PUDP: variants seen among roughly 807,000 people sequenced by gnomAD.
PUDP encodes the protein pseudouridine-5'-phosphatase.
A neutral mutation model predicts 9.4 loss-of-function variants in PUDP; 8 were observed. The ratio of observed to expected loss-of-function variants is 0.85; its 90% CI spans 0.50 to 1.53. The LOEUF is 1.53. Among genes scored for constraint, PUDP ranks in the 40% most tolerant of loss-of-function variants. The pLI is 0.00. For missense variants in PUDP, 188 were observed against 189.7 expected (o/e 0.99, Z 0.05); for synonymous variants, 99 against 80.7 (o/e 1.23, Z -1.22).
At chrX:6,792,644 G>T (rs756617357) in intron 3 of PUDP, among the ~76,000 whole-genome samples, 1 of 111,687 alleles carries the variant, frequency 9.0e-6, no homozygotes, top group Non-Finnish European at 1.9e-5. Flanking sequence ...AGATCCCACC[G>T]CCTTTGTCCA....
chrX:7,130,578 C>A (rs1387466399), intron 1 of PUDP, among the ~76,000 whole-genome samples: 2 of 111,311 alleles, frequency 1.8e-5, no homozygotes, highest in Non-Finnish European at 3.8e-5. Flanking sequence ...CTTTAGGAGG[C>A]CGAGGCAGGT....
intron 1 of PUDP, among the ~76,000 whole-genome samples, chrX:6,992,518 C>G (rs781045835): frequency 9.2e-6 from 1 of 108,863 alleles, no homozygotes; most frequent in East Asian, 2.9e-4. Flanking sequence ...ATGATCCACC[C>G]GCCTCGGCCT....
chrX:6,789,482 G>GTT lies in PUDP; in HGVS notation c.*248-83018_*248-83017dup, dbSNP rs765348580. Among the ~76,000 whole-genome samples the GTT allele has an allele frequency of 1.7e-4, 17 of 98,507 alleles. No homozygotes were observed. In the East Asian group the frequency reaches 1.7e-3, roughly 10 times the overall value. The allele number at this position is 98,507 out of a possible 115,157, so 85.5% of individuals were successfully genotyped here. On this transcript the variant is annotated intron_variant and NMD_transcript_variant, in intron 3 of 3. Coordinates refer to the PUDP transcript ENST00000655425. ...AAGTTTAATGGGAAGCTGTTGGAGG[G>GTT]TTTTTTAAAAAGCAGGTGTTTCTTA... is the stretch of plus-strand genomic sequence containing the variant.
intron 2 of PUDP, among the ~76,000 whole-genome samples, chrX:7,088,220 G>C (rs1260437100): frequency 8.9e-6 from 1 of 111,982 alleles, no homozygotes; most frequent in Non-Finnish European, 1.9e-5. Flanking sequence ...TAGTTTTTAT[G>C]AAGTAAACGT....
At chrX:7,031,404 A>G (rs1269979586) in intron 1 of PUDP, among the ~76,000 whole-genome samples, 2 of 111,663 alleles carry the variant, frequency 1.8e-5, no homozygotes, top group Non-Finnish European at 3.8e-5. Context: ...ATCTCTGGGT[A>G]TAAAGAAAGT....
At chrX:7,099,501 C>T (rs1236341966) in intron 2 of PUDP, among the ~76,000 whole-genome samples, 1 of 112,419 alleles carries the variant, frequency 8.9e-6, no homozygotes, top group African/African-American at 3.2e-5. Flanking sequence ...ATAAGAAATG[C>T]CTACAGAACT....
At chrX:6,761,856 G>C (rs1465784679) in intron 3 of PUDP, among the ~76,000 whole-genome samples, 1 of 111,378 alleles carries the variant, frequency 9.0e-6, no homozygotes, top group Non-Finnish European at 1.9e-5. Context: ...AGTCAAATGA[G>C]AATATCGTCA....
At chrX:7,126,891 A>G (rs1423763546) in intron 1 of PUDP, among the ~76,000 whole-genome samples, 1 of 111,331 alleles carries the variant, frequency 9.0e-6, no homozygotes, top group African/African-American at 3.3e-5. Context: ...TAACATGGGG[A>G]AGGGATGAAG....
intron 3 of PUDP, among the ~76,000 whole-genome samples, chrX:6,783,349 G>A (rs1455220677): frequency 9.0e-6 from 1 of 110,811 alleles, no homozygotes; most frequent in African/African-American, 3.3e-5. Flanking sequence ...TCTAGCTTTC[G>A]GGAACGCCCT....
chrX:6,770,292 C>T (rs1952176510), intron 3 of PUDP, among the ~76,000 whole-genome samples: 1 of 112,278 alleles, frequency 8.9e-6, no homozygotes, highest in Non-Finnish European at 1.9e-5. Context: ...TCTACAATGG[C>T]AGAGTTGAGT....
intron 3 of PUDP, among the ~76,000 whole-genome samples, chrX:6,947,139 T>C (rs1928479880): frequency 1.8e-5 from 2 of 109,876 alleles, no homozygotes; most frequent in Non-Finnish European, 3.8e-5. Context: ...TAGTTAAGAC[T>C]ACAGGCACGC....
At chrX:6,820,472 T>C (rs773280463) in intron 3 of PUDP, among the ~76,000 whole-genome samples, 3 of 111,625 alleles carry the variant, frequency 2.7e-5, no homozygotes, top group Non-Finnish European at 5.6e-5. Flanking sequence ...ACAAGGCAAG[T>C]CCTTTCTGCC....
At chrX:6,907,553 A>G (rs1381485569) in intron 3 of PUDP, among the ~76,000 whole-genome samples, 2 of 111,825 alleles carry the variant, frequency 1.8e-5, no homozygotes, top group African/African-American at 6.5e-5. Context: ...GTTTCCATGG[A>G]AGCTCCAGAG....
At chrX:7,093,832 G>A (rs1931490435) in intron 2 of PUDP, among the ~76,000 whole-genome samples, 1 of 112,120 alleles carries the variant, frequency 8.9e-6, no homozygotes, top group Non-Finnish European at 1.9e-5. Flanking sequence ...TGGGCCAGGT[G>A]TGGTGGCCCA....
intron 1 of PUDP, among the ~76,000 whole-genome samples, chrX:6,715,280 T>C (rs1252949690): frequency 1.8e-5 from 2 of 111,040 alleles, no homozygotes; most frequent in Non-Finnish European, 3.8e-5. Context: ...AGCATTCCAT[T>C]GTGTGGCTAT....
intron 2 of PUDP, among the ~76,000 whole-genome samples, chrX:7,094,759 T>G (rs1931525994): frequency 8.9e-6 from 1 of 112,042 alleles, no homozygotes; most frequent in Non-Finnish European, 1.9e-5. Context: ...TCATAAATTT[T>G]CCTGAACATG....
intron 3 of PUDP, among the ~76,000 whole-genome samples, chrX:6,788,568 G>T (rs986207971): frequency 3.6e-5 from 4 of 111,313 alleles, no homozygotes; most frequent in African/African-American, 9.8e-5. Flanking sequence ...AGCCAGGCAT[G>T]GTGGCATGCA....
chrX:6,735,528 G>A (rs962377462), intron 3 of PUDP, among the ~76,000 whole-genome samples: 9 of 112,014 alleles, frequency 8.0e-5, no homozygotes, highest in African/African-American at 2.9e-4. Flanking sequence ...TTTTACATAA[G>A]TATCACATAG....
intron 3 of PUDP, among the ~76,000 whole-genome samples, chrX:6,869,717 C>T (rs1361790888): frequency 9.1e-6 from 1 of 110,054 alleles, no homozygotes; most frequent in African/African-American, 3.3e-5. Context: ...TACTACACAC[C>T]CATTAGCATG....
Sources: allele counts gnomAD v4.1 joint callset (sites outside exome capture counted in the v4.1 genomes callset), GRCh38; gene constraint gnomAD v4.1.1; transcripts MANE v1.5; gene names NCBI Gene and HGNC (gene_info 2026-07-23, HGNC 2026-07-21).